The following CAPZB variants were observed in gnomAD, a reference collection of about 807,000 sequenced individuals.
CAPZB encodes the protein F-actin-capping protein subunit beta.
CAPZB carries 2 observed loss-of-function variants against 38.1 expected under a neutral mutation model. That is an observed-to-expected ratio of 0.05 (90% CI 0.02 to 0.17). The LOEUF is 0.17. Among genes scored for constraint, CAPZB ranks in the 10% least tolerant of loss-of-function variants. CAPZB has a pLI of 1.00. For missense variants in CAPZB, 161 were observed against 334.2 expected (o/e 0.48, Z 4.04); for synonymous variants, 107 against 127.4 (o/e 0.84, Z 1.08).
chr1:19,470,415 T>C (rs1235031610), intron 1 of CAPZB, among the ~76,000 whole-genome samples: 1 of 152,194 alleles, frequency 6.6e-6, no homozygotes, highest in Non-Finnish European at 1.5e-5. Context: ...CTCAGGCCAT[T>C]GGCATTCTGA....
At chr1:19,363,798 C>A (rs2094067664) in intron 4 of CAPZB, among the ~76,000 whole-genome samples, 6 of 152,168 alleles carry the variant, frequency 3.9e-5, no homozygotes. Flanking sequence ...TGAAGCTGCT[C>A]TTTACTCCTT....
chr1:19,375,582 TGGG>T (rs757996953), intron 4 of CAPZB, among the ~76,000 whole-genome samples: 1 of 152,236 alleles, frequency 6.6e-6, no homozygotes, highest in Non-Finnish European at 1.5e-5. Flanking sequence ...GACCCCCAAC[TGGG>T]GGCAGGATGC....
At chr1:19,422,702 G>A (rs2094406116) in intron 1 of CAPZB, among the ~76,000 whole-genome samples, 1 of 150,908 alleles carries the variant, frequency 6.6e-6, no homozygotes, top group Admixed American at 6.6e-5. Context: ...ACTCCAGCCT[G>A]GGCGACAGAG....
intron 4 of CAPZB, among the ~76,000 whole-genome samples, chr1:19,363,043 G>A (rs181883301): frequency 6.6e-6 from 1 of 152,064 alleles, no homozygotes; most frequent in East Asian, 1.9e-4. Context: ...TTTTACCAAC[G>A]GTCCCGGCGC....
At chr1:19,484,163 AGCACTCTCCCTAGGC>A in intron 1 of CAPZB, 1 of 1,606,242 alleles carries the variant, frequency 6.2e-7, no homozygotes, top group South Asian at 1.1e-5. Context: ...GAGCGGAGCC[AGCACTCTCCCTAGGC>A]GTTCTGCTCA....
intron 2 of CAPZB, among the ~76,000 whole-genome samples, chr1:19,409,112 T>C (rs1429378409): frequency 3.3e-5 from 5 of 152,312 alleles, no homozygotes; most frequent in Non-Finnish European, 2.9e-5. Flanking sequence ...GCACATTCCT[T>C]GAACGTGAGT....
chr1:19,465,165 T>C (rs931561875), intron 1 of CAPZB, among the ~76,000 whole-genome samples: 4 of 152,206 alleles, frequency 2.6e-5, no homozygotes, highest in Admixed American at 6.5e-5. Context: ...GTGGTCTGAA[T>C]GCTGGTACCC....
chr1:19,472,891 G>C (rs1282801099), intron 1 of CAPZB, among the ~76,000 whole-genome samples: 1 of 151,548 alleles, frequency 6.6e-6, no homozygotes, highest in Non-Finnish European at 1.5e-5. Flanking sequence ...CTAATTTTTT[G>C]TACTTTTAGT....
chr1:19,445,546 G>A (rs533624182), intron 1 of CAPZB, among the ~76,000 whole-genome samples: 1 of 152,070 alleles, frequency 6.6e-6, no homozygotes, highest in African/African-American at 2.4e-5. Context: ...ACTCCCCAAA[G>A]GTAACTGCCA....
At chr1:19,461,350 T>C (rs2094551372) in intron 1 of CAPZB, among the ~76,000 whole-genome samples, 2 of 152,170 alleles carry the variant, frequency 1.3e-5, no homozygotes, top group South Asian at 4.1e-4. Context: ...AACTGAACGT[T>C]GTAGGACCAG....
chr1:19,341,378 T>C (rs1199584370), intron 8 of CAPZB, among the ~76,000 whole-genome samples: 1 of 152,026 alleles, frequency 6.6e-6, no homozygotes. Context: ...CTAGCCTGGG[T>C]GGTCACTGGC....
intron 2 of CAPZB, among the ~76,000 whole-genome samples, chr1:19,402,438 A>G (rs1210968593): frequency 6.6e-6 from 1 of 152,230 alleles, no homozygotes; most frequent in Non-Finnish European, 1.5e-5. Context: ...TTACCCATCT[A>G]GAAAGTCTGA....
At position 19,339,121 on chromosome 1, in the gene CAPZB, TTCTC is replaced by T. The variant is rs539728404; in HGVS notation, c.*405_*408del. Reference sequence around the variant, plus strand: ...CACGGAATAAGATTTCCAGTTTTTCTTCTCTCTTTCACACACCACAGTTAGTTCA... The same window carrying T: ...CACGGAATAAGATTTCCAGTTTTTCTTCTTTCACACACCACAGTTAGTTCA... On this transcript the variant is annotated 3_prime_UTR_variant, in exon 9 of 9. Coordinates refer to ENST00000264202, the MANE Select transcript of CAPZB (RefSeq NM_004930.5). 34 of 172,984 alleles carry T rather than the reference TTCTC, an allele frequency of 2.0e-4. No homozygotes were observed. Among genetic ancestry groups the T allele is most frequent in the South Asian group, 2.7e-4 (2 of 7,466 alleles). 10.7% of individuals were successfully genotyped at this position (172,984 alleles called of 1,614,324 possible). A position where few individuals can be genotyped will look rare whatever the true frequency, so the allele number is the denominator to read the frequency against.
intron 2 of CAPZB, among the ~76,000 whole-genome samples, chr1:19,412,452 T>C (rs2094361248): frequency 1.3e-5 from 2 of 152,212 alleles, no homozygotes; most frequent in African/African-American, 4.8e-5. Flanking sequence ...AATTTATTTT[T>C]TAATTTTTTT....
At chr1:19,367,490 C>T (rs977514043) in intron 4 of CAPZB, among the ~76,000 whole-genome samples, 1 of 152,216 alleles carries the variant, frequency 6.6e-6, no homozygotes, top group Admixed American at 6.5e-5. Context: ...ACAGGCTCCA[C>T]ACAAAATGGA....
At chr1:19,380,484 C>T (rs2100433385) in intron 3 of CAPZB, among the ~76,000 whole-genome samples, 1 of 152,330 alleles carries the variant, frequency 6.6e-6, no homozygotes, top group East Asian at 1.9e-4. Flanking sequence ...GCTGGGAAGA[C>T]AGGCGTGCCG....
At chr1:19,386,175 C>T (rs1245407721) in intron 2 of CAPZB, among the ~76,000 whole-genome samples, 2 of 152,248 alleles carry the variant, frequency 1.3e-5, no homozygotes, top group Non-Finnish European at 2.9e-5. Flanking sequence ...GGCTCCCCCA[C>T]AGCACAGAGC....
At chr1:19,396,202 G>C (rs1004721434) in intron 2 of CAPZB, among the ~76,000 whole-genome samples, 2 of 152,206 alleles carry the variant, frequency 1.3e-5, no homozygotes, top group African/African-American at 4.8e-5. Context: ...GAGCTGTCTG[G>C]ACGGCCTCAT....
At position 19,452,867 on chromosome 1, in the gene CAPZB, G is replaced by A. The variant is rs188045201; in HGVS notation, c.3+32569C>T. Among the ~76,000 whole-genome samples, 9 of 148,944 alleles carry A rather than the reference G, an allele frequency of 6.0e-5. No homozygotes were observed. The East Asian group carries it at 1.4e-3, about 23-fold the overall frequency. ...CGCCCAGGCTAGAATGCAGTGGAGCGCTCTTGGCTCACTGCAACCTCTGCC... is the reference window on the plus strand; with the variant it reads ...CGCCCAGGCTAGAATGCAGTGGAGCACTCTTGGCTCACTGCAACCTCTGCC... On this transcript the variant is annotated intron_variant, in intron 1 of 8. Transcript: ENST00000264202.
Sources: allele counts gnomAD v4.1 joint callset (sites outside exome capture counted in the v4.1 genomes callset), GRCh38; gene constraint gnomAD v4.1.1; transcripts MANE v1.5; gene names NCBI Gene and HGNC (gene_info 2026-07-23, HGNC 2026-07-21).